STPG2: variants seen among roughly 807,000 people sequenced by gnomAD.
STPG2 encodes sperm-tail PG-rich repeat-containing protein 2.
STPG2 carries 56 observed loss-of-function variants against 54.2 expected under a neutral mutation model. That is an observed-to-expected ratio of 1.03 (90% CI 0.83 to 1.29). The LOEUF (loss-of-function observed/expected upper bound fraction) is 1.29. Among genes scored for constraint, STPG2 ranks in the 50% most tolerant of loss-of-function variants. The probability of loss-of-function intolerance (pLI) is 0.00; values close to 1 mark genes in which losing one functional copy is unlikely to be tolerated. For synonymous variants in STPG2, 200 were observed against 181.8 expected (o/e 1.10, Z -0.81); for missense variants, 596 against 544.9 (o/e 1.09, Z -0.93).
chr4:98,060,183 CA>C (rs1422865522), intron 5 of STPG2, among the ~76,000 whole-genome samples: 2 of 152,140 alleles, frequency 1.3e-5, no homozygotes, highest in Admixed American at 1.3e-4. Flanking sequence ...AGTCTCAGCC[CA>C]AAACTGCCTT....
intron 5 of STPG2, among the ~76,000 whole-genome samples, chr4:98,059,641 CAAAAA>C (rs33990276): frequency 7.3e-6 from 1 of 137,290 alleles, no homozygotes; most frequent in Non-Finnish European, 1.6e-5. Flanking sequence ...AATATCAATG[CAAAAA>C]AAAAAAAAAA....
intron 7 of STPG2, among the ~76,000 whole-genome samples, chr4:97,959,021 A>T (rs1266190952): frequency 6.6e-6 from 1 of 152,144 alleles, no homozygotes; most frequent in Non-Finnish European, 1.5e-5. Context: ...TATTACAAGC[A>T]CTCTTTCAGA....
At chr4:98,001,184 G>A (rs1735404443) in intron 5 of STPG2, among the ~76,000 whole-genome samples, 1 of 152,012 alleles carries the variant, frequency 6.6e-6, no homozygotes, top group African/African-American at 2.4e-5. Context: ...AAGTAAATAT[G>A]AGTAAATGTG....
chr4:97,593,832 G>T (rs528063071), intron 10 of STPG2, among the ~76,000 whole-genome samples: 46 of 152,004 alleles, frequency 3.0e-4, no homozygotes, highest in African/African-American at 1.1e-3. Context: ...AGGGGCCAGA[G>T]AACAAAACCA....
At chr4:97,862,375 C>G (rs570038668) in intron 8 of STPG2, among the ~76,000 whole-genome samples, 3 of 152,090 alleles carry the variant, frequency 2.0e-5, no homozygotes, top group Admixed American at 2.0e-4. Flanking sequence ...GTAAACGGAT[C>G]AATTCAACAA....
intron 9 of STPG2, among the ~76,000 whole-genome samples, chr4:97,780,663 T>C (rs1461471244): frequency 1.4e-5 from 2 of 144,688 alleles, no homozygotes; most frequent in African/African-American, 5.2e-5. Context: ...TATTCCAAAA[T>C]TGACCACAGA....
intron 5 of STPG2, among the ~76,000 whole-genome samples, chr4:98,103,003 A>G (rs927455523): frequency 2.0e-5 from 3 of 151,160 alleles, no homozygotes; most frequent in Non-Finnish European, 4.4e-5. Context: ...ATCTGCTACA[A>G]AAACTGTTCT....
intron 4 of STPG2, among the ~76,000 whole-genome samples, chr4:97,528,625 C>T (rs181136008): frequency 5.9e-5 from 9 of 152,246 alleles, no homozygotes; most frequent in African/African-American, 2.2e-4. Flanking sequence ...TTCTTCCTAT[C>T]CACGAGCATG....
At chr4:97,988,929 T>C in intron 5 of STPG2, among the ~76,000 whole-genome samples, 1 of 152,206 alleles carries the variant, frequency 6.6e-6, no homozygotes, top group East Asian at 1.9e-4. Flanking sequence ...TTTCTAATTA[T>C]GATAAAATAT....
At chr4:97,865,022 A>AT (rs1324573216) in intron 8 of STPG2, among the ~76,000 whole-genome samples, 8 of 152,228 alleles carry the variant, frequency 5.3e-5, no homozygotes, top group Non-Finnish European at 8.8e-5. Context: ...CATTCAGGAC[A>AT]TAGACATGGG....
intron 5 of STPG2, among the ~76,000 whole-genome samples, chr4:98,079,093 T>A (rs1436784834): frequency 6.6e-6 from 1 of 152,210 alleles, no homozygotes; most frequent in Admixed American, 6.5e-5. Context: ...CTTTTTTGGA[T>A]GCTCAAAATA....
At chr4:97,484,640 GA>G (rs1730308801) in intron 4 of STPG2, among the ~76,000 whole-genome samples, 1 of 151,744 alleles carries the variant, frequency 6.6e-6, no homozygotes, top group Non-Finnish European at 1.5e-5. Context: ...ATCCAAAGAA[GA>G]ATTGGTACCA....
chr4:97,467,526 A>C (rs935548628), intron 4 of STPG2, among the ~76,000 whole-genome samples: 1 of 151,972 alleles, frequency 6.6e-6, no homozygotes, highest in Non-Finnish European at 1.5e-5. Flanking sequence ...AATTCATTTT[A>C]CATTCATACA....
chr4:98,035,964 A>C (rs1029761799), intron 5 of STPG2, among the ~76,000 whole-genome samples: 2 of 151,556 alleles, frequency 1.3e-5, no homozygotes, highest in Non-Finnish European at 2.9e-5. Context: ...GGGCTAGGGG[A>C]GGGATAGCAT....
chr4:97,537,576 C>G (rs1436061562), intron 4 of STPG2, among the ~76,000 whole-genome samples: 1 of 152,210 alleles, frequency 6.6e-6, no homozygotes. Context: ...CCCACCTCAG[C>G]TCAAGGAGGC....
chr4:97,696,880 G>C (rs191420318), intron 10 of STPG2, among the ~76,000 whole-genome samples: 44 of 152,212 alleles, frequency 2.9e-4, no homozygotes, highest in Non-Finnish European at 4.7e-4. Flanking sequence ...TTAATTTTCT[G>C]CTCCTATAAT....
chr4:97,610,577 A>C (rs537843923), intron 10 of STPG2, among the ~76,000 whole-genome samples: 23 of 151,324 alleles, frequency 1.5e-4, no homozygotes, highest in Non-Finnish European at 2.8e-4. Flanking sequence ...TGATTACTTC[A>C]AATTATCCAA....
chr4:97,747,513 T>A lies in STPG2; in HGVS notation c.1205-34699A>T, dbSNP rs1030759269. On this transcript the variant is annotated intron_variant, in intron 9 of 10. Coordinates refer to ENST00000295268, the MANE Select transcript of STPG2 (RefSeq NM_174952.3). ...TTCCTTTACATCCTTTTACTTGAAC[T>A]TTTTACAAATTTAAGGACCTTTCTT... is the stretch of plus-strand genomic sequence containing the variant. 2.6e-5 allele frequency among the ~76,000 whole-genome samples: 4 copies of A among 151,410 alleles called. No homozygotes were observed. In the East Asian group the frequency reaches 7.7e-4, roughly 29 times the overall value.
intron 4 of STPG2, among the ~76,000 whole-genome samples, chr4:97,525,086 T>C (rs1248810643): frequency 6.6e-6 from 1 of 151,952 alleles, no homozygotes; most frequent in Admixed American, 6.6e-5. Context: ...TTTGAAGATG[T>C]TATTTATAAA....
Sources: allele counts gnomAD v4.1 joint callset (sites outside exome capture counted in the v4.1 genomes callset), GRCh38; gene constraint gnomAD v4.1.1; transcripts MANE v1.5; gene names NCBI Gene and HGNC (gene_info 2026-07-23, HGNC 2026-07-21).